Variants in ERCC3 observed in about 807,000 individuals in gnomAD.
The protein encoded by ERCC3 is ERCC excision repair 3, TFIIH core complex helicase subunit, also known as general transcription and DNA repair factor IIH helicase/translocase subunit XPB.
In ERCC3, 66 loss-of-function variants were observed where a neutral mutation model predicts 94.2. The ratio of observed to expected loss-of-function variants is 0.70; its 90% confidence interval spans 0.57 to 0.86. The LOEUF is 0.86. Ranked by LOEUF, ERCC3 falls within the 40% of genes least tolerant of loss-of-function variation. ERCC3 has a pLI of 0.00. For synonymous variants in ERCC3, 349 were observed against 369.1 expected (o/e 0.95, Z 0.63); for missense variants, 829 against 987.1 (o/e 0.84, Z 2.15).
intron 12 of ERCC3, among the ~76,000 whole-genome samples, chr2:127,265,324 T>C (rs991585802): frequency 6.6e-6 from 1 of 152,226 alleles, no homozygotes; most frequent in Non-Finnish European, 1.5e-5. Flanking sequence ...TCTTTTGTAT[T>C]TCTGGGGATC....
intron 5 of ERCC3, 43 bp from the exon 6 acceptor site, chr2:127,289,544 T>C (rs1043808257): frequency 1.6e-5 from 25 of 1,609,794 alleles, no homozygotes; most frequent in Non-Finnish European, 2.1e-5. Flanking sequence ...AACATTTAAT[T>C]CTGCTGTTAT....
rs2104727399 is a variant in ERCC3, at chr2:127,258,563, G to C, written c.2217+733C>G. The stretch of plus-strand genomic sequence containing the variant: ...CGGGGGAGGAAAGCCTTAGGCTGGA[G>C]GGAGGGCAGCCCCTTCCCAGGGACA... On this transcript the variant is annotated intron_variant, in intron 14 of 14. Coordinates refer to ENST00000285398, the MANE Select transcript of ERCC3 (RefSeq NM_000122.2). This position sits in a 1 kb window ranked among gnomAD's most constrained non-coding sequence, Gnocchi z 4.1. Among the ~76,000 whole-genome samples, 1 of 152,256 alleles carries C rather than the reference G, an allele frequency of 6.6e-6. No homozygotes were observed. Among genetic ancestry groups the C allele is most frequent in the East Asian group, 1.9e-4 (1 of 5,172 alleles).
intron 12 of ERCC3, among the ~76,000 whole-genome samples, chr2:127,267,448 T>G (rs1684410785): frequency 6.6e-6 from 1 of 151,648 alleles, no homozygotes; most frequent in African/African-American, 2.4e-5. Flanking sequence ...TTTTTATTTG[T>G]GTGATAGATT....
chr2:127,289,849 G>T (rs1685206327), intron 4 of ERCC3, 25 bp from the exon 5 acceptor site: 1 of 1,613,782 alleles, frequency 6.2e-7, no homozygotes, highest in African/African-American at 1.3e-5. Context: ...GGAAGAAGGG[G>T]TCTACTGACC....
Position 127,292,659 on chromosome 2 carries a change from C to G in ERCC3, c.422G>C (p.Arg141Thr), listed in dbSNP as rs1231600544. 2 of 1,614,058 alleles carry G rather than the reference C, an allele frequency of 1.2e-6. No individual in the cohort carries two copies. The highest frequency in any genetic ancestry group is 3.3e-5 in the Admixed American group (2 of 60,004). The change falls in exon 3 of 15, where the codon AGG (arginine) becomes ACG (threonine). Residue 141 changes from arginine to threonine, a missense_variant. Coordinates refer to ENST00000285398, the MANE Select transcript of ERCC3 (RefSeq NM_000122.2). ...AGGGACTCCAGTCTTGCTGAGCTTC[C>G]TGAGGTACTCGGTGATGTCACTGGT... ...LQTSDITEYL[R>T]KLSKTGVPDG...
Position 127,286,767 on chromosome 2 carries a change from G to A in ERCC3, c.1278C>T (p.Val426=). Residue 426 remains valine, a synonymous_variant, in exon 8 of 15, where the codon GTC becomes GTT. Coordinates refer to ENST00000285398, the MANE Select transcript of ERCC3 (RefSeq NM_000122.2). ...ACTCCTGGGTCTTGAGCCACTCCATGACTCGCTCGGCCTCCCAGGACCTTT... is the reference window on the plus strand; with the variant it reads ...ACTCCTGGGTCTTGAGCCACTCCATAACTCGCTCGGCCTCCCAGGACCTTT... ...TTKRSWEAER[V]MEWLKTQEWG... 6.2e-7 allele frequency: 1 copy of A among 1,614,158 alleles called. No individual in the cohort carries two copies. The highest frequency in any genetic ancestry group is 8.5e-7 in the Non-Finnish European group (1 of 1,180,026).
rs1248931592 is a variant in ERCC3, at chr2:127,277,094, G to A, written c.1730+2079C>T. Among the ~76,000 whole-genome samples the A allele has an allele frequency of 1.3e-5, 2 of 152,172 alleles. No individual in the cohort carries two copies. The highest frequency in any genetic ancestry group is 2.9e-5 in the Non-Finnish European group (2 of 68,034). Reference sequence around the variant, plus strand: ...TAACCAAGAGGGTGGAGATTTCAGGGTGGGAAACACAACAAAGAGGCCCAG... The same window carrying A: ...TAACCAAGAGGGTGGAGATTTCAGGATGGGAAACACAACAAAGAGGCCCAG... On this transcript the variant is annotated intron_variant, in intron 10 of 14. Coordinates refer to ENST00000285398, the MANE Select transcript of ERCC3 (RefSeq NM_000122.2). The surrounding 1 kb of genome is among the most constrained non-coding windows in gnomAD (Gnocchi z 5.1).
chr2:127,286,932 C>T lies in ERCC3; in HGVS notation c.1113G>A (p.Val371=). 6.2e-7 allele frequency: 1 copy of T among 1,614,196 alleles called. No homozygotes were observed. The highest frequency in any genetic ancestry group is 1.1e-5 in the South Asian group (1 of 91,086). Residue 371 remains valine, a synonymous_variant, in exon 8 of 15, where the codon GTG becomes GTA. Coordinates refer to ENST00000285398, the MANE Select transcript of ERCC3 (RefSeq NM_000122.2). ...CLVLGNSAVS[V]EQWKAQFKMW... is the part of the protein sequence containing the mutation. ...TCTTGAACTGGGCTTTCCACTGCTCCACAGAAACAGCTGAGTTGCCCAGCA... is the reference window on the plus strand; with the variant it reads ...TCTTGAACTGGGCTTTCCACTGCTCTACAGAAACAGCTGAGTTGCCCAGCA...
intron 7 of ERCC3, among the ~76,000 whole-genome samples, chr2:127,287,275 A>G (rs1685106821): frequency 2.0e-5 from 3 of 152,194 alleles, no homozygotes; most frequent in Admixed American, 6.5e-5. Context: ...TTTAAATGTC[A>G]AAATCTCAAA....
Position 127,293,770 on chromosome 2 carries a change from T to C in ERCC3, c.29-52A>G, listed in dbSNP as rs759603446. On this transcript the variant is annotated intron_variant, in intron 1 of 14. Coordinates refer to ENST00000285398, the MANE Select transcript of ERCC3 (RefSeq NM_000122.2). ...CCCAGCAGGAGCCTTCAGGGTTCCC[T>C]CCGCACCGCTTGGCAGCATTTCACC... is the stretch of plus-strand genomic sequence containing the variant. The C allele has an allele frequency of 1.0e-5, 16 of 1,603,844 alleles. No individual in the cohort carries two copies. The African/African-American group carries it at 2.1e-4, about 21-fold the overall frequency.
Position 127,259,195 on chromosome 2 carries a change from C to T in ERCC3, c.2217+101G>A. On this transcript the variant is annotated intron_variant, in intron 14 of 14. Coordinates refer to ENST00000285398, the MANE Select transcript of ERCC3 (RefSeq NM_000122.2). The surrounding 1 kb of genome is among the most constrained non-coding windows in gnomAD (Gnocchi z 4.9). Reference sequence around the variant, plus strand: ...GTTTTCCAACATTTCCAAAAAAATCCCATGGGCCCATCCAGGCAGGACTAC... The same window carrying T: ...GTTTTCCAACATTTCCAAAAAAATCTCATGGGCCCATCCAGGCAGGACTAC... 1 of 1,387,876 alleles carries T rather than the reference C, an allele frequency of 7.2e-7. No homozygotes were observed. The highest frequency in any genetic ancestry group is 1.0e-6 in the Non-Finnish European group (1 of 983,576). The allele number at this position is 1,387,876 out of a possible 1,614,324, so 86.0% of individuals were successfully genotyped here.
chr2:127,283,075 C>A (rs1283804317), intron 8 of ERCC3, among the ~76,000 whole-genome samples: 2 of 147,518 alleles, frequency 1.4e-5, no homozygotes, highest in African/African-American at 5.1e-5. Context: ...AGACCCAATA[C>A]CCACCCTTCC....
At chr2:127,286,169 T>C (rs544401047) in intron 8 of ERCC3, among the ~76,000 whole-genome samples, 3 of 152,074 alleles carry the variant, frequency 2.0e-5, no homozygotes, top group Admixed American at 2.0e-4. Context: ...AAAAGGAAGA[T>C]GGAGGAAAGA....
chr2:127,294,121 C>G lies in ERCC3; in HGVS notation c.-40G>C. 6.3e-7 allele frequency: 1 copy of G among 1,599,768 alleles called. No homozygotes were observed. The highest frequency in any genetic ancestry group is 8.5e-7 in the Non-Finnish European group (1 of 1,177,250). The stretch of plus-strand genomic sequence containing the variant: ...CAGAGAGAAGATGACCCCGCTCCCA[C>G]AGGCCCGCCGCGGCATCCGCTCTGG... On this transcript the variant is annotated 5_prime_UTR_variant, in exon 1 of 15. Coordinates refer to ENST00000285398, the MANE Select transcript of ERCC3 (RefSeq NM_000122.2).
rs1558947049 is a variant in ERCC3, at chr2:127,261,310, GA to G, written c.1981del (p.Ser661HisfsTer21). ...VAEEYNAFFYSLVSQDTQEMA... is the reference protein window; with the variant it reads ...VAEEYNAFFYXLVSQDTQEMA... ...TTCCTGTGTGTCCTGGGATACCAGT[GA>G]GTAGAAAAAGGCATTGTACTCTTCT... On this transcript the variant is annotated frameshift_variant, in exon 13 of 15. Coordinates refer to ENST00000285398, the MANE Select transcript of ERCC3 (RefSeq NM_000122.2). LOFTEE classifies it high-confidence loss of function. 1 of 1,613,094 alleles carries G rather than the reference GA, an allele frequency of 6.2e-7. No individual in the cohort carries two copies. The highest frequency in any genetic ancestry group is 8.5e-7 in the Non-Finnish European group (1 of 1,179,034).
rs773797861 is a variant in ERCC3, at chr2:127,293,638, C to T, written c.109G>A (p.Ala37Thr). 2.0e-4 allele frequency: 327 copies of T among 1,614,088 alleles called. 1 individual carries two copies. Among genetic ancestry groups the T allele is most frequent in the Non-Finnish European group, 2.7e-4 (320 of 1,180,042 alleles). Residue 37 changes from alanine to threonine, a missense_variant, in exon 2 of 15, where the codon GCG (alanine) becomes ACG (threonine). Ala to Thr is a moderately conservative substitution (Grantham distance 58). Transcript: ENST00000285398. ...TGCTTCCCCGCCGCCGAGGGAACCG[C>T]TTCCTGAGGGTCGTTCCCCGGGGCG... Reference protein sequence around the residue: ...EDAPGNDPQEAVPSAAGKQVD... With the variant: ...EDAPGNDPQETVPSAAGKQVD...
At chr2:127,278,382 T>C (rs1372128457) in intron 10 of ERCC3, among the ~76,000 whole-genome samples, 2 of 152,194 alleles carry the variant, frequency 1.3e-5, no homozygotes, top group Non-Finnish European at 2.9e-5. Flanking sequence ...ATAATCTAAA[T>C]GTTGACTTGG....
Position 127,274,679 on chromosome 2 carries a change from G to A in ERCC3, c.1731-1718C>T, listed in dbSNP as rs1032176947. Among the ~76,000 whole-genome samples the A allele has an allele frequency of 6.6e-6, 1 of 152,184 alleles. No individual in the cohort carries two copies. Among genetic ancestry groups the A allele is most frequent in the Non-Finnish European group, 1.5e-5 (1 of 68,030 alleles). ...TTTTATCATTTTCTATGCATGTCAT[G>A]CAGTGAAAAAGGTTAGAAGCCCCAC... On this transcript the variant is annotated intron_variant, in intron 10 of 14. Transcript: ENST00000285398. The surrounding 1 kb of genome is among the most constrained non-coding windows in gnomAD (Gnocchi z 4.0).
chr2:127,288,127 G>C (rs1280429615), intron 7 of ERCC3, among the ~76,000 whole-genome samples: 1 of 152,156 alleles, frequency 6.6e-6, no homozygotes, highest in African/African-American at 2.4e-5. Flanking sequence ...AGCTAGGCTA[G>C]GACCTGACAC....
Sources: gnomAD v4.1 joint callset for allele counts (sites outside exome capture counted in the v4.1 genomes callset) on GRCh38, gnomAD v4.1.1 for gene constraint, Gnocchi (gnomAD v3.1) non-coding constraint, MANE v1.5 for transcripts, NCBI Gene and HGNC (gene_info 2026-07-23, HGNC 2026-07-21) for gene names.